Variants in FOXN3 observed in about 807,000 individuals in gnomAD.
The protein encoded by FOXN3 is forkhead box protein N3.
A neutral mutation model predicts 38.4 loss-of-function variants in FOXN3; 7 were observed. The observed-to-expected ratio is 0.18, with a 90% CI of 0.10 to 0.34. The LOEUF is 0.34. Among genes scored for constraint, FOXN3 ranks in the 10% least tolerant of loss-of-function variants. The probability of loss-of-function intolerance (pLI) is 1.00; values close to 1 mark genes in which losing one functional copy is unlikely to be tolerated. For missense variants in FOXN3, 456 were observed against 613.4 expected, an observed-to-expected ratio of 0.74 and a Z score of 2.71; for synonymous variants, 230 against 242.2, an observed-to-expected ratio of 0.95 and a Z score of 0.47.
intron 1 of FOXN3, among the ~76,000 whole-genome samples, chr14:89,501,134 T>C (rs905111271): frequency 3.3e-5 from 5 of 152,176 alleles, no homozygotes; most frequent in African/African-American, 9.7e-5. Flanking sequence ...TTTTCCTTTT[T>C]CTAAATCTGA....
intron 1 of FOXN3, among the ~76,000 whole-genome samples, chr14:89,448,960 A>C (rs556331231): frequency 3.3e-5 from 5 of 152,182 alleles, no homozygotes; most frequent in African/African-American, 1.2e-4. Context: ...AAAAAAAGAA[A>C]GAAAAGAAAT....
intron 1 of FOXN3, among the ~76,000 whole-genome samples, chr14:89,547,120 C>T (rs1046623207): frequency 4.6e-5 from 7 of 152,166 alleles, no homozygotes; most frequent in Non-Finnish European, 8.8e-5. Context: ...AGAGGCTGGG[C>T]AAGGTGGCTC....
At chr14:89,544,500 A>G (rs1332979653) in intron 1 of FOXN3, among the ~76,000 whole-genome samples, 1 of 152,192 alleles carries the variant, frequency 6.6e-6, no homozygotes, top group African/African-American at 2.4e-5. Context: ...TCAATAATCA[A>G]CAAACCCTTA....
At chr14:89,278,899 C>T (rs1208446843) in intron 4 of FOXN3, among the ~76,000 whole-genome samples, 2 of 152,164 alleles carry the variant, frequency 1.3e-5, no homozygotes, top group African/African-American at 2.4e-5. Context: ...CCTGGCATGA[C>T]TGGACAGTCC....
intron 1 of FOXN3, among the ~76,000 whole-genome samples, chr14:89,487,954 C>T (rs1041235422): frequency 5.3e-5 from 8 of 152,132 alleles, no homozygotes; most frequent in Middle Eastern, 6.8e-3. Context: ...AGCGAAGGCC[C>T]GGAGGTTGGA....
intron 2 of FOXN3, among the ~76,000 whole-genome samples, chr14:89,387,753 A>G (rs943038922): frequency 6.6e-6 from 1 of 152,228 alleles, no homozygotes; most frequent in African/African-American, 2.4e-5. Flanking sequence ...TCTGGGGTAT[A>G]CAGAAAGAAG....
At chr14:89,416,156 T>C (rs1056570176) in intron 1 of FOXN3, among the ~76,000 whole-genome samples, 1 of 152,144 alleles carries the variant, frequency 6.6e-6, no homozygotes, top group African/African-American at 2.4e-5. Flanking sequence ...CGCTTCACTC[T>C]CGTCTACTGT....
rs1189768838 is a variant in FOXN3 at position 89,511,234 on chromosome 14, TTC to T, written c.-14-98746_-14-98745del. On this transcript the variant is annotated intron_variant, in intron 1 of 6. Transcript: ENST00000345097. Reference sequence around the variant, plus strand: ...TTCTTTCTTTCTTTCTTTCTTTTCTTTCCTTTTCTTTCTTTTCTTTCTTTCTT... The same window carrying T: ...TTCTTTCTTTCTTTCTTTCTTTTCTTCTTTTCTTTCTTTTCTTTCTTTCTT... 1.1e-3 allele frequency among the ~76,000 whole-genome samples: 29 copies of T among 26,376 alleles called. 6 individuals carry two copies. Among genetic ancestry groups the T allele is most frequent in the African/African-American group, 1.7e-3 (24 of 14,346 alleles). 17.3% of individuals were successfully genotyped at this position (26,376 alleles called of 152,430 possible). A position where few individuals can be genotyped will look rare whatever the true frequency, so the allele number is the denominator to read the frequency against.
intron 1 of FOXN3, among the ~76,000 whole-genome samples, chr14:89,475,774 G>A (rs1893197782): frequency 6.6e-6 from 1 of 152,168 alleles, no homozygotes; most frequent in Non-Finnish European, 1.5e-5. Flanking sequence ...ATTTCCTTAT[G>A]TAACTTATAG....
chr14:89,348,430 C>T (rs1888837287), intron 3 of FOXN3, among the ~76,000 whole-genome samples: 1 of 152,114 alleles, frequency 6.6e-6, no homozygotes, highest in African/African-American at 2.4e-5. Flanking sequence ...GTACAATTAC[C>T]CAGTGTTCAG....
intron 1 of FOXN3, among the ~76,000 whole-genome samples, chr14:89,540,480 A>C (rs1364800043): frequency 2.0e-5 from 3 of 152,222 alleles, no homozygotes; most frequent in East Asian, 3.9e-4. Context: ...CACGCCTGTA[A>C]TCCCAGCACT....
rs1019637656 is a variant in FOXN3 at position 89,281,613 on chromosome 14, G to A, written c.681-599C>T. Among the ~76,000 whole-genome samples the A allele has an allele frequency of 8.4e-4, 128 of 152,296 alleles. 1 individual carries two copies. The highest frequency in any genetic ancestry group is 2.9e-3 in the African/African-American group (120 of 41,550). The stretch of plus-strand genomic sequence containing the variant: ...TTGCAGATATGTTACCACCCACAGT[G>A]TGGTAACAGGAGAGGCAAGAAAATA... On this transcript the variant is annotated intron_variant, in intron 3 of 5. Transcript: ENST00000557258.
chr14:89,416,420 A>T (rs1159105350), intron 1 of FOXN3, among the ~76,000 whole-genome samples: 2 of 152,086 alleles, frequency 1.3e-5, no homozygotes, highest in African/African-American at 4.8e-5. Flanking sequence ...GGTTTCAAAC[A>T]GGGCCGGGAT....
intron 1 of FOXN3, among the ~76,000 whole-genome samples, chr14:89,524,634 G>A (rs1215863194): frequency 6.6e-5 from 10 of 151,786 alleles, no homozygotes; most frequent in African/African-American, 2.4e-4. Context: ...TGTCATCACA[G>A]TCTACAGATA....
chr14:89,281,101 TCC>T (rs1404654442), intron 3 of FOXN3, 87 bp from the exon 4 acceptor site: 2 of 1,181,992 alleles, frequency 1.7e-6, no homozygotes, highest in African/African-American at 3.0e-5. Context: ...TCAAAACATT[TCC>T]CCAAGTATGC....
chr14:89,180,350 G>T (rs1390604828), intron 5 of FOXN3, among the ~76,000 whole-genome samples: 1 of 152,164 alleles, frequency 6.6e-6, no homozygotes, highest in African/African-American at 2.4e-5. Flanking sequence ...GACAGGGGAG[G>T]GACAGGACTG....
At chr14:89,482,090 T>G (rs1041344443) in intron 1 of FOXN3, among the ~76,000 whole-genome samples, 5 of 152,238 alleles carry the variant, frequency 3.3e-5, no homozygotes, top group South Asian at 4.1e-4. Flanking sequence ...TTCATACACT[T>G]TATTTGAACT....
intron 2 of FOXN3, among the ~76,000 whole-genome samples, chr14:89,360,747 T>TCCAGCACTACCTCCA: frequency 1.5e-5 from 1 of 67,520 alleles, no homozygotes; most frequent in East Asian, 6.0e-4. Context: ...CAGCACCACC[T>TCCAGCACTACCTCCA]CCACCACCAC....
intron 4 of FOXN3, among the ~76,000 whole-genome samples, chr14:89,215,172 A>G (rs1404157253): frequency 6.7e-6 from 1 of 149,844 alleles, no homozygotes; most frequent in East Asian, 2.0e-4. Flanking sequence ...GATACAGTTT[A>G]GAGATTCTAT....
Sources: allele counts gnomAD v4.1 joint callset (sites outside exome capture counted in the v4.1 genomes callset), GRCh38; gene constraint gnomAD v4.1.1; transcripts MANE v1.5; gene names NCBI Gene and HGNC (gene_info 2026-07-23, HGNC 2026-07-21).